The following KCNIP4 variants were observed in gnomAD, a reference collection of about 807,000 sequenced individuals.
KCNIP4 encodes the protein potassium voltage-gated channel interacting protein 4.
In KCNIP4, 12 loss-of-function variants were observed where a neutral mutation model predicts 34.0. That is an observed-to-expected ratio of 0.35 (90% CI 0.23 to 0.57). KCNIP4 has a LOEUF of 0.57. Ranked by LOEUF, KCNIP4 falls within the 20% of genes least tolerant of loss-of-function variation. The pLI is 0.83. For synonymous variants in KCNIP4, 124 were observed against 102.2 expected (o/e 1.21, Z -1.29); for missense variants, 238 against 311.7 (o/e 0.76, Z 1.78).
intron 1 of KCNIP4, among the ~76,000 whole-genome samples, chr4:21,911,604 T>TCACACACA (rs149500330): frequency 2.6e-4 from 34 of 129,992 alleles, no homozygotes; most frequent in African/African-American, 9.0e-4. Flanking sequence ...GAATTGATAT[T>TCACACACA]CACACACACA....
intron 1 of KCNIP4, among the ~76,000 whole-genome samples, chr4:20,941,380 A>G (rs766646136): frequency 6.6e-6 from 1 of 152,242 alleles, no homozygotes; most frequent in Non-Finnish European, 1.5e-5. Flanking sequence ...AATTGGCAAA[A>G]CAAATCCACT....
chr4:21,900,509 A>G (rs1384945720), intron 1 of KCNIP4, among the ~76,000 whole-genome samples: 1 of 152,192 alleles, frequency 6.6e-6, no homozygotes, highest in African/African-American at 2.4e-5. Flanking sequence ...CCAATCCAGT[A>G]AGCTGCCATA....
chr4:21,466,235 T>A (rs73105867), intron 1 of KCNIP4, among the ~76,000 whole-genome samples: 4,188 of 152,248 alleles, frequency 0.028, 76 homozygotes, highest in East Asian at 0.038. Context: ...TTATGAACAC[T>A]AAACACCGAA....
At chr4:21,788,762 A>T (rs1456144118) in intron 1 of KCNIP4, among the ~76,000 whole-genome samples, 1 of 152,140 alleles carries the variant, frequency 6.6e-6, no homozygotes, top group Non-Finnish European at 1.5e-5. Flanking sequence ...AGATATGCTT[A>T]TGTCATTGTC....
intron 1 of KCNIP4, among the ~76,000 whole-genome samples, chr4:21,609,907 T>C (rs1476073112): frequency 6.6e-6 from 1 of 152,226 alleles, no homozygotes; most frequent in Admixed American, 6.5e-5. Context: ...CTGCTGAAGA[T>C]CGAATACTAT....
chr4:20,994,057 C>A (rs191916542), intron 1 of KCNIP4, among the ~76,000 whole-genome samples: 3 of 152,174 alleles, frequency 2.0e-5, no homozygotes, highest in African/African-American at 7.2e-5. Flanking sequence ...TTACATTGGG[C>A]CCACCTAAAT....
In KCNIP4 at chr4:21,380,330, C is replaced by A. The variant is rs181847296; in HGVS notation, c.62-497621G>T. On this transcript the variant is annotated intron_variant, in intron 1 of 8. Coordinates refer to ENST00000382152, the MANE Select transcript of KCNIP4 (RefSeq NM_025221.6). Reference sequence around the variant, plus strand: ...CTTTGATCATATTCTTAAGTAAAAACAGCCTCAACAACTGGAAAAAAATAC... The same window carrying A: ...CTTTGATCATATTCTTAAGTAAAAAAAGCCTCAACAACTGGAAAAAAATAC... Among the ~76,000 whole-genome samples, 70 of 151,646 alleles carry A rather than the reference C, an allele frequency of 4.6e-4. 1 individual carries two copies. Among genetic ancestry groups the A allele is most frequent in the Admixed American group, 4.3e-3 (66 of 15,222 alleles).
intron 3 of KCNIP4, among the ~76,000 whole-genome samples, chr4:20,825,788 G>A (rs1227125572): frequency 6.6e-6 from 1 of 152,114 alleles, no homozygotes; most frequent in Non-Finnish European, 1.5e-5. Context: ...GTCAAGAACA[G>A]AACCCTAAGG....
At chr4:21,034,092 G>T (rs1341083391) in intron 1 of KCNIP4, among the ~76,000 whole-genome samples, 1 of 152,124 alleles carries the variant, frequency 6.6e-6, no homozygotes, top group African/African-American at 2.4e-5. Context: ...ACAAAAAAGA[G>T]AGAGACATTG....
At chr4:21,294,464 G>A (rs972987136) in intron 1 of KCNIP4, among the ~76,000 whole-genome samples, 1 of 151,824 alleles carries the variant, frequency 6.6e-6, no homozygotes, top group Non-Finnish European at 1.5e-5. Flanking sequence ...CATTTTCCTG[G>A]GCATAATCCA....
chr4:20,826,864 G>C (rs867895312), intron 3 of KCNIP4, among the ~76,000 whole-genome samples: 1 of 152,154 alleles, frequency 6.6e-6, no homozygotes, highest in African/African-American at 2.4e-5. Context: ...TCTTCTAAAA[G>C]TGAGAAGGAC....
At chr4:20,764,515 C>A (rs1755218030) in intron 3 of KCNIP4, among the ~76,000 whole-genome samples, 1 of 151,948 alleles carries the variant, frequency 6.6e-6, no homozygotes, top group Non-Finnish European at 1.5e-5. Context: ...TATGACTAAT[C>A]CCAGAAGGAG....
chr4:21,205,097 G>A (rs928915643), intron 1 of KCNIP4, among the ~76,000 whole-genome samples: 2 of 152,146 alleles, frequency 1.3e-5, no homozygotes, highest in South Asian at 2.1e-4. Context: ...AAGAATGCAC[G>A]GAGGAATAAG....
chr4:21,476,612 C>A (rs939452770), intron 1 of KCNIP4, among the ~76,000 whole-genome samples: 1 of 152,104 alleles, frequency 6.6e-6, no homozygotes, highest in African/African-American at 2.4e-5. Context: ...AGCCACCTAG[C>A]CTGTGGTATT....
At chr4:21,908,806 T>C (rs1006619151) in intron 1 of KCNIP4, among the ~76,000 whole-genome samples, 1 of 152,188 alleles carries the variant, frequency 6.6e-6, no homozygotes, top group South Asian at 2.1e-4. Context: ...AAAAAACTAC[T>C]GAACTACCCT....
At chr4:21,331,260 C>T (rs1029611801) in intron 1 of KCNIP4, among the ~76,000 whole-genome samples, 7 of 152,050 alleles carry the variant, frequency 4.6e-5, no homozygotes, top group African/African-American at 1.7e-4. Flanking sequence ...AGAGCAATTT[C>T]CTTTAATGCT....
intron 1 of KCNIP4, among the ~76,000 whole-genome samples, chr4:21,690,920 C>G (rs1231458220): frequency 1.3e-5 from 2 of 152,032 alleles, no homozygotes; most frequent in African/African-American, 4.8e-5. Context: ...AAAAAACATA[C>G]AGAGAAATAT....
chr4:21,375,723 C>T (rs915175021), intron 1 of KCNIP4, among the ~76,000 whole-genome samples: 1 of 151,832 alleles, frequency 6.6e-6, no homozygotes, highest in African/African-American at 2.4e-5. Flanking sequence ...CCTGCCACCA[C>T]GCCCAGCTAA....
chr4:21,579,168 G>A (rs28697050), intron 1 of KCNIP4, among the ~76,000 whole-genome samples: 17,503 of 152,098 alleles, frequency 0.12, 1,108 homozygotes, highest in African/African-American at 0.14. Context: ...GACAGTTCCC[G>A]TAGGTATAAC....
Sources: gnomAD v4.1 joint callset for allele counts (sites outside exome capture counted in the v4.1 genomes callset) on GRCh38, gnomAD v4.1.1 for gene constraint, MANE v1.5 for transcripts, NCBI Gene and HGNC (gene_info 2026-07-23, HGNC 2026-07-21) for gene names.